Variants in PCDHGB5 observed in about 807,000 individuals in gnomAD.
PCDHGB5 encodes protocadherin gamma subfamily B, 5.
PCDHGB5 carries 48 observed loss-of-function variants against 62.9 expected under a neutral mutation model. The observed-to-expected ratio is 0.76, with a 90% CI of 0.61 to 0.97. The LOEUF (loss-of-function observed/expected upper bound fraction) is 0.97. Ranked by LOEUF, PCDHGB5 falls within the 50% of genes least tolerant of loss-of-function variation. The pLI, the probability that PCDHGB5 is intolerant of heterozygous loss-of-function variation, is 0.00. For missense variants in PCDHGB5, 1,118 were observed against 1,198.6 expected, an observed-to-expected ratio of 0.93 and a Z score of 0.99; for synonymous variants, 474 against 511.2, an observed-to-expected ratio of 0.93 and a Z score of 0.98.
At chr5:141,414,283 G>T in intron 1 of PCDHGB5, 1 of 1,613,520 alleles carries the variant, frequency 6.2e-7, no homozygotes, top group Non-Finnish European at 8.5e-7. Flanking sequence ...GGGAACAGTC[G>T]TAGCCCTTTT....
At position 141,511,648 on chromosome 5, in the gene PCDHGB5, G is replaced by T. The variant is rs553080689; in HGVS notation, c.*475G>T. The T allele has an allele frequency of 1.4e-5, 3 of 214,700 alleles. No homozygotes were observed. Among genetic ancestry groups the T allele is most frequent in the East Asian group, 2.1e-4 (2 of 9,414 alleles). The allele number at this position is 214,700 out of a possible 1,614,324, so 13.3% of individuals were successfully genotyped here. A position where few individuals can be genotyped will look rare whatever the true frequency, so the allele number is the denominator to read the frequency against. On this transcript the variant is annotated 3_prime_UTR_variant, in exon 4 of 4. Coordinates refer to ENST00000617380, the MANE Select transcript of PCDHGB5 (RefSeq NM_018925.3). ...AGTTGGAAGGGCATCATGACCTCTTGGCCTCTCCTTTGATTCTCAATCTTC... is the reference window on the plus strand; with the variant it reads ...AGTTGGAAGGGCATCATGACCTCTTTGCCTCTCCTTTGATTCTCAATCTTC...
At chr5:141,488,932 A>G (rs2233598) in intron 1 of PCDHGB5, among the ~76,000 whole-genome samples, 31,368 of 152,090 alleles carry the variant, frequency 0.21, 3,372 homozygotes, top group Admixed American at 0.31. Flanking sequence ...GGATTGAGGA[A>G]ACTCCATAAT....
At chr5:141,418,726 G>C (rs1399333996) in intron 1 of PCDHGB5, 1 of 1,613,986 alleles carries the variant, frequency 6.2e-7, no homozygotes, top group Non-Finnish European at 8.5e-7. Flanking sequence ...ACAAAGCTCA[G>C]CACGTGTTCT....
chr5:141,418,339 T>G (rs779598961), intron 1 of PCDHGB5: 2 of 1,614,012 alleles, frequency 1.2e-6, no homozygotes, highest in Non-Finnish European at 1.7e-6. Context: ...CAGAAGATCC[T>G]GATATTAGTA....
chr5:141,418,498 C>T (rs181453589), intron 1 of PCDHGB5: 10 of 1,613,968 alleles, frequency 6.2e-6, no homozygotes, highest in East Asian at 2.2e-5. Context: ...TGGTACTGAC[C>T]GCCTTAGATG....
chr5:141,399,797 G>T lies in PCDHGB5; in HGVS notation c.1670G>T (p.Arg557Leu). 1.2e-6 allele frequency: 2 copies of T among 1,613,192 alleles called. No homozygotes were observed. The highest frequency in any genetic ancestry group is 8.5e-7 in the Non-Finnish European group (1 of 1,179,758). ...GGCGACCGAAACGACAACGCACCGCGGGTGCTGTACCCCGCGCTGGGTCCC... is the reference window on the plus strand; with the variant it reads ...GGCGACCGAAACGACAACGCACCGCTGGTGCTGTACCCCGCGCTGGGTCCC... Reference protein sequence around the residue: ...LVGDRNDNAPRVLYPALGPDG... With the variant: ...LVGDRNDNAPLVLYPALGPDG... The change falls in exon 1 of 4, where the codon CGG becomes CTG. Residue 557 changes from arginine (R) to leucine (L), a missense_variant. By Grantham distance (102) the Arg-to-Leu change is moderately radical. Coordinates refer to ENST00000617380, the MANE Select transcript of PCDHGB5 (RefSeq NM_018925.3).
rs752999009 is a variant in PCDHGB5, at chr5:141,409,899, C to T, written c.2397+9375C>T. 4 of 1,613,152 alleles carry T rather than the reference C, an allele frequency of 2.5e-6. No individual in the cohort carries two copies. The East Asian group carries it at 8.9e-5, about 36-fold the overall frequency. ...AACGCACCGCGGGTGCTGTACCCAG[C>T]TCTGGGTCCTGACGGCTCCGCGTTC... On this transcript the variant is annotated intron_variant, in intron 1 of 3. Coordinates refer to ENST00000617380, the MANE Select transcript of PCDHGB5 (RefSeq NM_018925.3).
In PCDHGB5 at chr5:141,486,030, C is replaced by T. The variant is rs2099623234; in HGVS notation, c.2398-8777C>T. 2 of 1,614,046 alleles carry T rather than the reference C, an allele frequency of 1.2e-6. No homozygotes were observed. Among genetic ancestry groups the T allele is most frequent in the African/African-American group, 1.3e-5 (1 of 74,918 alleles). On this transcript the variant is annotated intron_variant, in intron 1 of 3. Coordinates refer to ENST00000617380, the MANE Select transcript of PCDHGB5 (RefSeq NM_018925.3). This position sits in a 1 kb window ranked among gnomAD's most constrained non-coding sequence, Gnocchi z 5.0. ...ACCTTTTATTTCAGTGGTCATACCC[C>T]TGATCGTGTAAGAAACCTCTTTAGC...
At chr5:141,403,319 G>A (rs776881134) in intron 1 of PCDHGB5, 2 of 1,613,954 alleles carry the variant, frequency 1.2e-6, no homozygotes, top group East Asian at 2.2e-5. Flanking sequence ...AGAAATAGAA[G>A]TAACTGATAT....
intron 1 of PCDHGB5, among the ~76,000 whole-genome samples, chr5:141,447,104 A>G (rs1212797996): frequency 2.0e-5 from 3 of 151,958 alleles, no homozygotes; most frequent in African/African-American, 7.3e-5. Flanking sequence ...TCACATGATT[A>G]TATGTGCTCC....
chr5:141,411,258 A>G (rs1415319110), intron 1 of PCDHGB5: 1 of 152,200 alleles, frequency 6.6e-6, no homozygotes, highest in African/African-American at 2.4e-5. Flanking sequence ...TATCTTATTT[A>G]TATATTTTTA....
intron 1 of PCDHGB5, chr5:141,404,904 AG>A: frequency 3.1e-6 from 5 of 1,613,864 alleles, no homozygotes; most frequent in Non-Finnish European, 4.2e-6. Flanking sequence ...GACCATGGCC[AG>A]CCCCCTCTCT....
rs766164142 is a variant in PCDHGB5, at chr5:141,477,910, G to A, written c.2398-16897G>A. On this transcript the variant is annotated intron_variant, in intron 1 of 3. Transcript: ENST00000617380. The surrounding 1 kb of genome is among the most constrained non-coding windows in gnomAD (Gnocchi z 4.9). ...TGTCACGGGTGGTAGGCTGGGACGC[G>A]GATGCAGGGCACAATGCCTGGCTCT... 6.2e-7 allele frequency: 1 copy of A among 1,614,166 alleles called. No individual in the cohort carries two copies. Among genetic ancestry groups the A allele is most frequent in the Admixed American group, 1.7e-5 (1 of 60,020 alleles).
At chr5:141,509,692 C>T (rs755446680) in intron 3 of PCDHGB5, among the ~76,000 whole-genome samples, 8 of 152,126 alleles carry the variant, frequency 5.3e-5, no homozygotes, top group Non-Finnish European at 1.0e-4. Context: ...TACAGTGGGA[C>T]GTTGGACTGG....
intron 2 of PCDHGB5, among the ~76,000 whole-genome samples, chr5:141,502,472 A>G (rs1450967250): frequency 1.3e-5 from 2 of 150,886 alleles, no homozygotes; most frequent in Non-Finnish European, 2.9e-5. Flanking sequence ...TACTTCCCGC[A>G]GCATCACACT....
At chr5:141,430,986 C>T (rs549700048) in intron 1 of PCDHGB5, 3 of 1,613,762 alleles carry the variant, frequency 1.9e-6, no homozygotes, top group East Asian at 2.2e-5. Flanking sequence ...CAGCTTTTCG[C>T]CCTGAATCCG....
chr5:141,509,601 G>A (rs2099877534), intron 3 of PCDHGB5, among the ~76,000 whole-genome samples: 1 of 152,144 alleles, frequency 6.6e-6, no homozygotes, highest in Non-Finnish European at 1.5e-5. Flanking sequence ...ATTCCGAGAG[G>A]CTGCATTCTA....
At chr5:141,473,738 C>T (rs755682627) in intron 1 of PCDHGB5, among the ~76,000 whole-genome samples, 2 of 152,310 alleles carry the variant, frequency 1.3e-5, no homozygotes, top group Non-Finnish European at 2.9e-5. Flanking sequence ...AGGGAGAAGA[C>T]ATGAGAACTT....
intron 1 of PCDHGB5, among the ~76,000 whole-genome samples, chr5:141,420,710 G>A (rs2096519301): frequency 6.6e-6 from 1 of 152,186 alleles, no homozygotes; most frequent in South Asian, 2.1e-4. Flanking sequence ...TTCCAGAAAT[G>A]TCGTTCCTTT....
Sources: gnomAD v4.1 joint callset for allele counts (sites outside exome capture counted in the v4.1 genomes callset) on GRCh38, gnomAD v4.1.1 for gene constraint, Gnocchi (gnomAD v3.1) non-coding constraint, MANE v1.5 for transcripts, NCBI Gene and HGNC (gene_info 2026-07-23, HGNC 2026-07-21) for gene names.